SPECC1L: variants seen among roughly 807,000 people sequenced by gnomAD.
SPECC1L encodes the protein cytospin-A.
SPECC1L carries 40 observed loss-of-function variants against 116.8 expected under a neutral mutation model. The observed-to-expected ratio is 0.34, with a 90% CI of 0.27 to 0.45. SPECC1L has a LOEUF of 0.45. Among genes scored for constraint, SPECC1L ranks in the 20% least tolerant of loss-of-function variants. The pLI is 1.00. For missense variants in SPECC1L, 1,110 were observed against 1,373.6 expected (o/e 0.81, Z 3.03); for synonymous variants, 504 against 500.6 (o/e 1.01, Z -0.09).
At chr22:24,274,518 ACTGCT>A (rs576071567) in intron 1 of SPECC1L, among the ~76,000 whole-genome samples, 2 of 152,236 alleles carry the variant, frequency 1.3e-5, no homozygotes, top group Non-Finnish European at 2.9e-5. Context: ...AGACTGACTG[ACTGCT>A]CTCAGCCACT....
chr22:24,411,536 C>A, intron 14 of SPECC1L, 52 bp from the exon 15 acceptor site: 2 of 1,546,082 alleles, frequency 1.3e-6, no homozygotes, highest in Middle Eastern at 1.7e-4. Flanking sequence ...TTGGCATCTC[C>A]TAAGAGGGTC....
chr22:24,323,388 A>G (rs1345756192), intron 5 of SPECC1L, among the ~76,000 whole-genome samples: 1 of 152,230 alleles, frequency 6.6e-6, no homozygotes, highest in African/African-American at 2.4e-5. Context: ...TTTTTGGCAT[A>G]TAGAGGCTCC....
Position 24,313,295 on chromosome 22 carries a change from A to G in SPECC1L, c.154-18A>G, listed in dbSNP as rs199578950. 1.3e-4 allele frequency: 212 copies of G among 1,613,598 alleles called. No individual in the cohort carries two copies. The highest frequency in any genetic ancestry group is 1.7e-4 in the Non-Finnish European group (202 of 1,179,924). On this transcript the variant is annotated intron_variant, in intron 3 of 16. Transcript: ENST00000314328. ...TGCTTGATCTAGTAAATTTGTTTTT[A>G]TTTTCTGTTGCTTCTAGACCAAGAG...
intron 11 of SPECC1L, among the ~76,000 whole-genome samples, chr22:24,361,558 G>A (rs1289073701): frequency 2.6e-5 from 4 of 152,068 alleles, no homozygotes; most frequent in African/African-American, 4.8e-5. Context: ...AGGCTGAGAC[G>A]GGAGAATCGC....
intron 14 of SPECC1L, among the ~76,000 whole-genome samples, chr22:24,373,247 A>C (rs1282750567): frequency 1.3e-5 from 2 of 152,258 alleles, no homozygotes; most frequent in African/African-American, 4.8e-5. Context: ...GCTACCAATG[A>C]CTTTCTTCAC....
At chr22:24,284,636 C>T (rs953635838) in intron 2 of SPECC1L, among the ~76,000 whole-genome samples, 5 of 152,042 alleles carry the variant, frequency 3.3e-5, no homozygotes, top group African/African-American at 7.2e-5. Context: ...GGGATTTCAC[C>T]GCGTTAGCCA....
Position 24,328,922 on chromosome 22 carries a change from A to G in SPECC1L, c.2220+3A>G. On this transcript the variant is annotated splice_donor_region_variant and intron_variant, in intron 7 of 16. Transcript: ENST00000314328. ...AGACACTCCACAGAAGACTTCGGGT[A>G]GGATAAATCTTCATGTATTGTCTTG... 4 of 1,608,876 alleles carry G rather than the reference A, an allele frequency of 2.5e-6. No individual in the cohort carries two copies. Among genetic ancestry groups the G allele is most frequent in the Non-Finnish European group, 3.4e-6 (4 of 1,175,280 alleles).
chr22:24,412,144 CAGGG>C, intron 15 of SPECC1L: 1 of 352,426 alleles, frequency 2.8e-6, no homozygotes, highest in Non-Finnish European at 5.5e-6. Context: ...CTGTGCACTC[CAGGG>C]CATGGTTTAA....
In SPECC1L at chr22:24,322,712, C is replaced by T. The variant is rs760771508; in HGVS notation, c.1732C>T (p.Arg578Cys). The change falls in exon 5 of 17, where the codon CGC becomes TGC. Residue 578 changes from arginine to cysteine, a missense_variant. By Grantham distance (180) the Arg-to-Cys change is radical. Coordinates refer to ENST00000314328, the MANE Select transcript of SPECC1L (RefSeq NM_015330.6). ...TVASDQIEMNRLKAQLENEKQ... is the reference protein window; with the variant it reads ...TVASDQIEMNCLKAQLENEKQ... ...GGCCAGTGACCAGATAGAGATGAAT[C>T]GCCTGAAGGCTCAGCTGGAGAATGA... 2.5e-6 allele frequency: 4 copies of T among 1,594,196 alleles called. No homozygotes were observed. Among genetic ancestry groups the T allele is most frequent in the South Asian group, 1.1e-5 (1 of 87,896 alleles).
intron 14 of SPECC1L, among the ~76,000 whole-genome samples, chr22:24,373,867 A>C (rs2041918153): frequency 6.6e-6 from 1 of 152,200 alleles, no homozygotes; most frequent in South Asian, 2.1e-4. Context: ...AATTTTCGCA[A>C]TCTACTCATG....
intron 14 of SPECC1L, among the ~76,000 whole-genome samples, chr22:24,375,723 G>A (rs974008881): frequency 6.6e-6 from 1 of 152,206 alleles, no homozygotes; most frequent in Non-Finnish European, 1.5e-5. Flanking sequence ...GGGAGGCCAA[G>A]GCGGGTGATC....
intron 4 of SPECC1L, among the ~76,000 whole-genome samples, chr22:24,316,274 T>TTTTATTTA (rs71189243): frequency 0.018 from 2,713 of 149,178 alleles, 94 homozygotes; most frequent in South Asian, 0.11. Flanking sequence ...CAGATTTTCT[T>TTTTATTTA]TTTATTTATT....
rs1273075203 is a variant in SPECC1L, at chr22:24,270,925, G to A, written c.-200G>A. ...CAACGGGTCTCGGCTGAGCCACCGG[G>A]TGAGCTCACCGCCCAGCCCAAACCA... On this transcript the variant is annotated 5_prime_UTR_variant, in exon 1 of 17. It adds an upstream start codon to the 5' untranslated region. Transcript: ENST00000314328. 6.6e-6 allele frequency: 1 copy of A among 152,272 alleles called. No individual in the cohort carries two copies. Among genetic ancestry groups the A allele is most frequent in the Non-Finnish European group, 1.5e-5 (1 of 68,074 alleles). The allele number at this position is 152,272 out of a possible 1,614,324, so 9.4% of individuals were successfully genotyped here.
At chr22:24,399,045 T>G (rs2042420202) in intron 14 of SPECC1L, among the ~76,000 whole-genome samples, 1 of 152,082 alleles carries the variant, frequency 6.6e-6, no homozygotes, top group Admixed American at 6.5e-5. Flanking sequence ...ATGCTCAGAG[T>G]TCATCAGTTA....
intron 1 of SPECC1L, among the ~76,000 whole-genome samples, chr22:24,273,985 C>G (rs1163229358): frequency 6.6e-6 from 1 of 152,146 alleles, no homozygotes; most frequent in Non-Finnish European, 1.5e-5. Flanking sequence ...CTGGAACTCC[C>G]GACCTCAGGT....
chr22:24,308,326 T>C (rs2049542535), intron 3 of SPECC1L, among the ~76,000 whole-genome samples: 1 of 152,220 alleles, frequency 6.6e-6, no homozygotes, highest in African/African-American at 2.4e-5. Context: ...CATTTAGTTG[T>C]TATGCTCCTC....
chr22:24,317,342 G>A (rs1410464564), intron 4 of SPECC1L, among the ~76,000 whole-genome samples: 1 of 122,408 alleles, frequency 8.2e-6, no homozygotes, highest in Non-Finnish European at 1.8e-5. Flanking sequence ...CCCGGACGGG[G>A]CGGCTGGCCG....
At chr22:24,384,995 A>G (rs1601324078) in intron 14 of SPECC1L, among the ~76,000 whole-genome samples, 1 of 151,698 alleles carries the variant, frequency 6.6e-6, no homozygotes. Context: ...CCCGGGAGGC[A>G]GAGCTTGCAG....
At chr22:24,347,955 C>T (rs758142020) in intron 11 of SPECC1L, among the ~76,000 whole-genome samples, 5 of 152,118 alleles carry the variant, frequency 3.3e-5, no homozygotes, top group Admixed American at 6.5e-5. Flanking sequence ...TGATTATAGG[C>T]GCAAGCTACC....
Sources: allele counts gnomAD v4.1 joint callset (sites outside exome capture counted in the v4.1 genomes callset), GRCh38; gene constraint gnomAD v4.1.1; transcripts MANE v1.5; gene names NCBI Gene and HGNC (gene_info 2026-07-23, HGNC 2026-07-21).